The following NIT2 variants were observed in gnomAD, a reference collection of about 807,000 sequenced individuals.
NIT2 encodes nitrilase family member 2, also known as omega-amidase NIT2.
A neutral mutation model predicts 42.7 loss-of-function variants in NIT2; 46 were observed. The observed-to-expected ratio is 1.08, with a 90% CI of 0.85 to 1.38. The LOEUF is 1.38. NIT2 is among the 40% of genes most tolerant of loss of function. NIT2 has a pLI of 0.00. For missense variants in NIT2, 309 were observed against 342.5 expected, an observed-to-expected ratio of 0.90 and a Z score of 0.77; for synonymous variants, 123 against 121.9, an observed-to-expected ratio of 1.01 and a Z score of -0.06.
At chr3:100,342,863 G>A (rs1169395701) in intron 4 of NIT2, among the ~76,000 whole-genome samples, 1 of 151,872 alleles carries the variant, frequency 6.6e-6, no homozygotes, top group African/African-American at 2.4e-5. Flanking sequence ...CCTTCTATCT[G>A]GTATATCCTT....
At chr3:100,345,760 T>G in intron 5 of NIT2, 82 bp downstream of exon 5, 1 of 844,626 alleles carries the variant, frequency 1.2e-6, no homozygotes, top group Non-Finnish European at 2.0e-6. Context: ...CTCTCTCCGA[T>G]TTCTTCACAT....
intron 7 of NIT2, 117 bp downstream of exon 7, chr3:100,348,998 C>G: frequency 3.8e-6 from 3 of 784,080 alleles, no homozygotes; most frequent in South Asian, 3.2e-5. Context: ...TCAGGATGCC[C>G]TTGTATCCAA....
In NIT2 at chr3:100,334,782, C is replaced by G. The variant is rs1706047001; in HGVS notation, c.-10C>G. On this transcript the variant is annotated 5_prime_UTR_variant, in exon 1 of 10. Transcript: ENST00000394140. ...AGTCCGCGCCGCAGGTGGTGCTTGTCTGCAGAGTCATGACCTGTAAGTGGC... is the reference window on the plus strand; with the variant it reads ...AGTCCGCGCCGCAGGTGGTGCTTGTGTGCAGAGTCATGACCTGTAAGTGGC... 1.5e-6 allele frequency: 2 copies of G among 1,292,286 alleles called. No homozygotes were observed. Among genetic ancestry groups the G allele is most frequent in the African/African-American group, 1.5e-5 (1 of 65,638 alleles). 80.1% of individuals were successfully genotyped at this position (1,292,286 alleles called of 1,614,324 possible).
intron 1 of NIT2, among the ~76,000 whole-genome samples, chr3:100,337,135 A>G (rs1366495245): frequency 6.6e-6 from 1 of 152,238 alleles, no homozygotes; most frequent in Non-Finnish European, 1.5e-5. Context: ...GACACAGCAC[A>G]TGTTTCAGAG....
chr3:100,344,642 C>T lies in NIT2; in HGVS notation c.337-943C>T, dbSNP rs558820460. On this transcript the variant is annotated intron_variant, in intron 4 of 9. Coordinates refer to ENST00000394140, the MANE Select transcript of NIT2 (RefSeq NM_020202.5). ...GTGTTTTTAGATGCTCTTTCATTTT[C>T]TGTTTTTGTTTTTGTTTTTTTGAGA... is the stretch of plus-strand genomic sequence containing the variant. Among the ~76,000 whole-genome samples the T allele has an allele frequency of 7.2e-5, 11 of 151,870 alleles. No homozygotes were observed. In the South Asian group the frequency reaches 2.1e-3, roughly 29 times the overall value.
chr3:100,336,520 G>A lies in NIT2; in HGVS notation c.7+1722G>A, dbSNP rs374930271. Among the ~76,000 whole-genome samples, 504 of 152,264 alleles carry A rather than the reference G, an allele frequency of 3.3e-3. 3 individuals carry two copies. The highest frequency in any genetic ancestry group is 0.011 in the African/African-American group (471 of 41,548). ...TTATGATCATTCTTGGGTGTTTCTCGGAGAGGGGGATGTGGCAGGGTCATA... is the reference window on the plus strand; with the variant it reads ...TTATGATCATTCTTGGGTGTTTCTCAGAGAGGGGGATGTGGCAGGGTCATA... On this transcript the variant is annotated intron_variant, in intron 1 of 9. Coordinates refer to ENST00000394140, the MANE Select transcript of NIT2 (RefSeq NM_020202.5).
intron 2 of NIT2, 77 bp from the exon 3 acceptor site, chr3:100,339,738 G>GAA (rs1706126154): frequency 2.1e-6 from 3 of 1,424,928 alleles, no homozygotes; most frequent in Non-Finnish European, 2.9e-6. Flanking sequence ...AGAAGCAGCA[G>GAA]CTATGGCCTC....
rs1449931117 is a variant in NIT2 at position 100,361,376 on chromosome 3, T to C, written c.*6108T>C. On this transcript the variant is annotated 3_prime_UTR_variant, in exon 10 of 10. Coordinates refer to ENST00000394140, the MANE Select transcript of NIT2 (RefSeq NM_020202.5). ...CCTTCCAGGACAACACTTGCACAGGTTATCTTTAAGCACCAACAAAAGAAA... is the reference window on the plus strand; with the variant it reads ...CCTTCCAGGACAACACTTGCACAGGCTATCTTTAAGCACCAACAAAAGAAA... 1 of 152,196 alleles carries C rather than the reference T, an allele frequency of 6.6e-6. No homozygotes were observed. The highest frequency in any genetic ancestry group is 1.5e-5 in the Non-Finnish European group (1 of 68,044). The allele number at this position is 152,196 out of a possible 1,614,324, so 9.4% of individuals were successfully genotyped here.
At position 100,355,708 on chromosome 3, in the gene NIT2, T is replaced by C; in HGVS notation, c.*440T>C. 1 of 156,874 alleles carries C rather than the reference T, an allele frequency of 6.4e-6. No individual in the cohort carries two copies. Among genetic ancestry groups the C allele is most frequent in the Non-Finnish European group, 1.4e-5 (1 of 71,280 alleles). The allele number at this position is 156,874 out of a possible 1,614,324, so 9.7% of individuals were successfully genotyped here. On this transcript the variant is annotated 3_prime_UTR_variant, in exon 10 of 10. Coordinates refer to ENST00000394140, the MANE Select transcript of NIT2 (RefSeq NM_020202.5). The stretch of plus-strand genomic sequence containing the variant: ...GTTCCATTTTTGGTTCATGAGTAGC[T>C]ATAGAACGCAAGGTGATACATCTTT...
chr3:100,340,022 A>G (rs980015328), intron 3 of NIT2, 87 bp downstream of exon 3: 13 of 1,144,470 alleles, frequency 1.1e-5, no homozygotes, highest in Middle Eastern at 2.3e-4. Flanking sequence ...TGTATTCCCT[A>G]CTTGGGAAGC....
At chr3:100,337,712 C>T (rs1052977465) in intron 1 of NIT2, among the ~76,000 whole-genome samples, 1 of 152,154 alleles carries the variant, frequency 6.6e-6, no homozygotes, top group Non-Finnish European at 1.5e-5. Flanking sequence ...CTTGGCCTCC[C>T]AAAGTGCTGG....
At chr3:100,336,225 G>A (rs1201102744) in intron 1 of NIT2, among the ~76,000 whole-genome samples, 1 of 152,112 alleles carries the variant, frequency 6.6e-6, no homozygotes, top group Non-Finnish European at 1.5e-5. Context: ...AGACATTTGC[G>A]TTGTTACAGG....
At chr3:100,337,365 C>T (rs1238037309) in intron 1 of NIT2, among the ~76,000 whole-genome samples, 1 of 152,172 alleles carries the variant, frequency 6.6e-6, no homozygotes, top group Non-Finnish European at 1.5e-5. Flanking sequence ...TGCGTCCCAC[C>T]AGACCATAAG....
At chr3:100,348,933 A>G (rs770920105) in intron 7 of NIT2, 52 bp downstream of exon 7, 10 of 1,536,892 alleles carry the variant, frequency 6.5e-6, no homozygotes, top group Non-Finnish European at 8.1e-6. Context: ...CTTTGTAGAA[A>G]GATTTCCGGT....
chr3:100,348,179 A>T (rs1300033705), intron 6 of NIT2, among the ~76,000 whole-genome samples: 2 of 152,242 alleles, frequency 1.3e-5, no homozygotes, highest in Non-Finnish European at 2.9e-5. Flanking sequence ...GGCGTGAGCC[A>T]GCGCACCCAC....
At chr3:100,342,857 C>G (rs1706171027) in intron 4 of NIT2, among the ~76,000 whole-genome samples, 1 of 152,146 alleles carries the variant, frequency 6.6e-6, no homozygotes, top group Non-Finnish European at 1.5e-5. Flanking sequence ...GATCCTCCTT[C>G]TATCTGGTAT....
intron 4 of NIT2, among the ~76,000 whole-genome samples, chr3:100,343,324 T>C (rs183915074): frequency 1.8e-4 from 28 of 152,020 alleles, no homozygotes; most frequent in Admixed American, 1.6e-3. Flanking sequence ...GGAGCTCCAG[T>C]ATATGTATAT....
rs1212586328 is a variant in NIT2, at chr3:100,355,472, A to C, written c.*204A>C. On this transcript the variant is annotated 3_prime_UTR_variant, in exon 10 of 10. Coordinates refer to ENST00000394140, the MANE Select transcript of NIT2 (RefSeq NM_020202.5). ...AAAAGGATGCAGCCTGGAGCCAGAG[A>C]GCAGAAAGCTGGGCTGGTTCTGAAG... 12 of 485,590 alleles carry C rather than the reference A, an allele frequency of 2.5e-5. No homozygotes were observed. The highest frequency in any genetic ancestry group is 4.3e-5 in the Non-Finnish European group (12 of 276,898). 30.1% of individuals were successfully genotyped at this position (485,590 alleles called of 1,614,324 possible).
chr3:100,352,583 C>G, intron 8 of NIT2, 81 bp downstream of exon 8: 2 of 1,035,300 alleles, frequency 1.9e-6, no homozygotes, highest in African/African-American at 1.6e-5. Context: ...TTTTCTGGTT[C>G]CTGAGCAGCC....
Sources: allele counts gnomAD v4.1 joint callset (sites outside exome capture counted in the v4.1 genomes callset), GRCh38; gene constraint gnomAD v4.1.1; transcripts MANE v1.5; gene names NCBI Gene and HGNC (gene_info 2026-07-23, HGNC 2026-07-21).